TENM3: variants seen among roughly 807,000 people sequenced by gnomAD.
TENM3 encodes the protein teneurin transmembrane protein 3, also known as teneurin-3.
Under a neutral mutation model 255.1 loss-of-function variants are expected in TENM3, and 63 were observed. The observed-to-expected ratio is 0.25, with a 90% CI of 0.20 to 0.30. TENM3 has a LOEUF of 0.30. TENM3 is among the 10% of genes least tolerant of loss of function. The probability of loss-of-function intolerance (pLI) is 1.00; values close to 1 mark genes in which losing one functional copy is unlikely to be tolerated. For missense variants in TENM3, 2,929 were observed against 3,461.1 expected (o/e 0.85, Z 3.86); for synonymous variants, 1,306 against 1,322.3 (o/e 0.99, Z 0.27).
the TENM3 span, among the ~76,000 whole-genome samples, chr4:181,797,081 A>G: frequency 6.6e-6 from 1 of 151,434 alleles, no homozygotes; most frequent in African/African-American, 2.4e-5. Flanking sequence ...ACGTTTTACT[A>G]TCTCAAAATA....
chr4:182,417,095 T>A (rs1378648080), intron 3 of TENM3, among the ~76,000 whole-genome samples: 4 of 152,086 alleles, frequency 2.6e-5, no homozygotes, highest in African/African-American at 9.7e-5. Flanking sequence ...TGCCTCAGCC[T>A]CCCGAGTAGC....
the TENM3 span, among the ~76,000 whole-genome samples, chr4:181,994,817 T>A: frequency 6.6e-6 from 1 of 152,210 alleles, no homozygotes; most frequent in African/African-American, 2.4e-5. Flanking sequence ...TAACAAAAAG[T>A]AGAATAAATT....
chr4:182,464,905 C>T (rs552437659), intron 3 of TENM3, among the ~76,000 whole-genome samples: 17 of 152,114 alleles, frequency 1.1e-4, no homozygotes, highest in African/African-American at 4.1e-4. Context: ...AAATATGTCC[C>T]TTCTCACCCC....
At chr4:181,796,753 C>G in the TENM3 span, among the ~76,000 whole-genome samples, 1 of 152,208 alleles carries the variant, frequency 6.6e-6, no homozygotes. Context: ...AGTTTGGAAC[C>G]CGTCCAGAAC....
At chr4:182,488,798 T>G (rs972382823) in intron 3 of TENM3, among the ~76,000 whole-genome samples, 2 of 152,070 alleles carry the variant, frequency 1.3e-5, no homozygotes, top group Non-Finnish European at 2.9e-5. Context: ...GTAATGTAAT[T>G]TACGTGTGTT....
chr4:182,626,036 T>C (rs1007198076), intron 4 of TENM3, among the ~76,000 whole-genome samples: 2 of 152,216 alleles, frequency 1.3e-5, no homozygotes, highest in Non-Finnish European at 2.9e-5. Context: ...AAAGTTAAAA[T>C]TTCAATGTCT....
the TENM3 span, among the ~76,000 whole-genome samples, chr4:181,468,149 T>A: frequency 1.5e-5 from 1 of 68,142 alleles, no homozygotes; most frequent in African/African-American, 5.2e-5. Flanking sequence ...AAAAAAAAAT[T>A]GGTGTGGTGG....
intron 1 of TENM3, among the ~76,000 whole-genome samples, chr4:182,188,361 C>A (rs1486424076): frequency 6.6e-6 from 1 of 151,996 alleles, no homozygotes. Flanking sequence ...TCTCAAGAAA[C>A]CTTGAGCATC....
the TENM3 span, among the ~76,000 whole-genome samples, chr4:181,809,175 T>G: frequency 1.3e-5 from 2 of 152,202 alleles, no homozygotes; most frequent in Non-Finnish European, 2.9e-5. Flanking sequence ...GAGAGCCACT[T>G]CCCATTCAGA....
intron 2 of TENM3, among the ~76,000 whole-genome samples, chr4:182,343,662 A>T (rs907695735): frequency 1.1e-5 from 1 of 89,602 alleles, no homozygotes; most frequent in African/African-American, 4.3e-5. Flanking sequence ...CCTCCTCCAC[A>T]CCGCTTGTCG....
the TENM3 span, among the ~76,000 whole-genome samples, chr4:181,778,056 G>A: frequency 6.6e-6 from 1 of 151,836 alleles, no homozygotes; most frequent in Non-Finnish European, 1.5e-5. Flanking sequence ...CATACCAGAG[G>A]GAGAGAAAAA....
At chr4:182,377,142 T>C (rs1353760065) in intron 3 of TENM3, among the ~76,000 whole-genome samples, 1 of 152,136 alleles carries the variant, frequency 6.6e-6, no homozygotes, top group Non-Finnish European at 1.5e-5. Flanking sequence ...ACCTCCTCTA[T>C]TTCCCAGACA....
chr4:182,486,132 C>T (rs1210206146), intron 3 of TENM3, among the ~76,000 whole-genome samples: 1 of 151,934 alleles, frequency 6.6e-6, no homozygotes, highest in African/African-American at 2.4e-5. Flanking sequence ...GAAGAATAAC[C>T]ATAAAGATGG....
intron 3 of TENM3, among the ~76,000 whole-genome samples, chr4:182,480,250 A>G (rs979166877): frequency 1.3e-5 from 2 of 152,108 alleles, no homozygotes; most frequent in Non-Finnish European, 2.9e-5. Flanking sequence ...AAAACCAATA[A>G]TAATAATTTA....
chr4:182,167,425 C>T (rs1330424377), intron 1 of TENM3, among the ~76,000 whole-genome samples: 2 of 152,024 alleles, frequency 1.3e-5, no homozygotes, highest in African/African-American at 4.8e-5. Context: ...TATGAAATGC[C>T]TTGCTTTAGT....
At chr4:182,216,680 A>G (rs1378855368) in intron 1 of TENM3, among the ~76,000 whole-genome samples, 1 of 152,242 alleles carries the variant, frequency 6.6e-6, no homozygotes, top group African/African-American at 2.4e-5. Context: ...TGAGAAGTTT[A>G]CAGAGAGTAC....
intron 2 of TENM3, among the ~76,000 whole-genome samples, chr4:182,335,381 G>A (rs1764052315): frequency 1.4e-5 from 2 of 145,532 alleles, no homozygotes; most frequent in African/African-American, 5.0e-5. Context: ...TGTAGTCCCA[G>A]CTGCTCGGGA....
chr4:181,743,429 T>C, the TENM3 span, among the ~76,000 whole-genome samples: 2 of 152,318 alleles, frequency 1.3e-5, no homozygotes, highest in South Asian at 4.1e-4. Context: ...ACGCCAGTGA[T>C]GGTGAGCATG....
At chr4:182,777,509 T>TGTG (rs1764767817) in intron 24 of TENM3, among the ~76,000 whole-genome samples, 2 of 120,112 alleles carry the variant, frequency 1.7e-5, no homozygotes, top group African/African-American at 3.2e-5. Context: ...CATAATGTGT[T>TGTG]TATGTGTGTG....
Sources: gnomAD v4.1 joint callset for allele counts (sites outside exome capture counted in the v4.1 genomes callset) on GRCh38, gnomAD v4.1.1 for gene constraint, MANE v1.5 for transcripts, NCBI Gene and HGNC (gene_info 2026-07-23, HGNC 2026-07-21) for gene names.